The following GSE1 variants were observed in gnomAD, a reference collection of about 807,000 sequenced individuals.
The protein encoded by GSE1 is genetic suppressor element 1.
A neutral mutation model predicts 112.6 loss-of-function variants in GSE1; 32 were observed. The ratio of observed to expected loss-of-function variants is 0.28; its 90% CI spans 0.21 to 0.38. The LOEUF (loss-of-function observed/expected upper bound fraction) is 0.38, where lower values mean the gene tolerates loss of function less well. Ranked by LOEUF, GSE1 falls within the 10% of genes least tolerant of loss-of-function variation. The pLI, the probability that GSE1 is intolerant of heterozygous loss-of-function variation, is 1.00. For missense variants in GSE1, 2,348 were observed against 1,699.2 expected (o/e 1.38, Z -6.71); for synonymous variants, 1,115 against 735.6 (o/e 1.52, Z -8.35).
At chr16:85,302,546 G>A (rs1048278866) in intron 1 of GSE1, among the ~76,000 whole-genome samples, 15 of 152,134 alleles carry the variant, frequency 9.9e-5, no homozygotes, top group Admixed American at 9.2e-4. Context: ...AGGCGTGAGA[G>A]GTTGTGCTTT....
At chr16:85,261,056 G>C (rs1052443209) in intron 1 of GSE1, among the ~76,000 whole-genome samples, 1 of 152,184 alleles carries the variant, frequency 6.6e-6, no homozygotes, top group East Asian at 1.9e-4. Flanking sequence ...GGCCTCTCTC[G>C]GGTGCTCTGG....
chr16:85,635,403 C>T (rs1238985884), intron 2 of GSE1, among the ~76,000 whole-genome samples: 3 of 152,164 alleles, frequency 2.0e-5, no homozygotes, highest in Non-Finnish European at 4.4e-5. Flanking sequence ...CACACCTGAG[C>T]GGGCCAGGTT....
Position 85,619,732 on chromosome 16 carries a change from T to TG in GSE1, c.7+6340dup, listed in dbSNP as rs570557686. 3.9e-5 allele frequency among the ~76,000 whole-genome samples: 6 copies of TG among 152,236 alleles called. No homozygotes were observed. The South Asian group carries it at 1.2e-3, about 32-fold the overall frequency. ...GCCGTGGGCTGTGCGTCAGGCGTGG[T>TG]GGGGGGACGTTTTCACCCCAACGTG... On this transcript the variant is annotated intron_variant, in intron 1 of 15. Coordinates refer to ENST00000253458, the MANE Select transcript of GSE1 (RefSeq NM_014615.5).
chr16:85,491,322 C>T (rs1183901811), intron 2 of GSE1, among the ~76,000 whole-genome samples: 1 of 152,192 alleles, frequency 6.6e-6, no homozygotes, highest in Non-Finnish European at 1.5e-5. Flanking sequence ...CCTGGGGTGC[C>T]CTGGAGCCAC....
At chr16:85,307,513 G>T (rs1294116564) in intron 1 of GSE1, among the ~76,000 whole-genome samples, 2 of 152,206 alleles carry the variant, frequency 1.3e-5, no homozygotes, top group Non-Finnish European at 2.9e-5. Flanking sequence ...GACCCATGGG[G>T]TGAGCCCAGG....
chr16:85,552,595 G>A (rs1336772999), upstream of GSE1, among the ~76,000 whole-genome samples: 3 of 152,088 alleles, frequency 2.0e-5, no homozygotes, highest in African/African-American at 7.2e-5. Context: ...GCCTCCCAAA[G>A]TGCTGGGATT....
At position 85,575,918 on chromosome 16, in the gene GSE1, T is replaced by TC. The variant is rs1458156622; in HGVS notation, c.37+19559dup. Among the ~76,000 whole-genome samples, 11 of 147,920 alleles carry TC rather than the reference T, an allele frequency of 7.4e-5. No homozygotes were observed. The South Asian group carries it at 1.0e-3, about 14-fold the overall frequency. On this transcript the variant is annotated intron_variant, in intron 1 of 2. Transcript: ENST00000635906. ...CTCGTTTCTGTTTTTTTTTTTTTTT[T>TC]CCCCTTCCTGTTTTTTAATGTGTCT...
chr16:85,219,306 G>A (rs2075354208), intron 1 of GSE1, among the ~76,000 whole-genome samples: 1 of 152,242 alleles, frequency 6.6e-6, no homozygotes, highest in Non-Finnish European at 1.5e-5. Flanking sequence ...GAGCCACCGT[G>A]CCCGGCCAAA....
intron 1 of GSE1, among the ~76,000 whole-genome samples, chr16:85,246,282 G>T (rs1310340177): frequency 1.3e-5 from 1 of 78,894 alleles, no homozygotes; most frequent in Non-Finnish European, 2.5e-5. Flanking sequence ...CACCCCACAC[G>T]CTGTCTACAC....
At chr16:85,494,310 C>T (rs1460980770) in intron 2 of GSE1, among the ~76,000 whole-genome samples, 3 of 152,226 alleles carry the variant, frequency 2.0e-5, no homozygotes, top group Non-Finnish European at 4.4e-5. Context: ...GTGGCCGCTT[C>T]ACTACAGTCT....
chr16:85,484,110 G>A lies in GSE1; in HGVS notation c.2464+126467G>A, dbSNP rs150142565. On this transcript the variant is annotated intron_variant, in intron 2 of 2. Coordinates refer to the GSE1 transcript ENST00000637419. ...CACTTGGTGACTTTATGTGGCTCCC[G>A]GACCAGTTATGCCGTGCAGGAATAT... Among the ~76,000 whole-genome samples, 313 of 152,338 alleles carry A rather than the reference G, an allele frequency of 2.1e-3. 2 individuals carry two copies. Among genetic ancestry groups the A allele is most frequent in the African/African-American group, 7.2e-3 (299 of 41,576 alleles).
intron 1 of GSE1, among the ~76,000 whole-genome samples, chr16:85,298,138 G>A (rs1426060545): frequency 5.3e-5 from 8 of 152,202 alleles, no homozygotes; most frequent in South Asian, 2.1e-4. Context: ...TTAGAAAAGC[G>A]GATTCGAATT....
chr16:85,471,375 C>G (rs2050291356), intron 2 of GSE1, among the ~76,000 whole-genome samples: 1 of 152,210 alleles, frequency 6.6e-6, no homozygotes, highest in Admixed American at 6.5e-5. Flanking sequence ...TACCATAGGT[C>G]AGGCTCATAG....
At chr16:85,442,575 A>G (rs1022029601) in intron 2 of GSE1, among the ~76,000 whole-genome samples, 4 of 152,154 alleles carry the variant, frequency 2.6e-5, no homozygotes, top group African/African-American at 9.7e-5. Context: ...GGATCTGGCC[A>G]AGTGGTCATT....
intron 1 of GSE1, among the ~76,000 whole-genome samples, chr16:85,234,507 G>A (rs1216207148): frequency 6.6e-6 from 1 of 152,218 alleles, no homozygotes; most frequent in Non-Finnish European, 1.5e-5. Flanking sequence ...TAGGTGGGGC[G>A]GGGTGGCTCT....
chr16:85,586,648 C>G (rs1033002355), intron 1 of GSE1, among the ~76,000 whole-genome samples: 3 of 152,228 alleles, frequency 2.0e-5, no homozygotes, highest in Admixed American at 6.5e-5. Context: ...CGCGCCCCCC[C>G]GACTGCCGTG....
chr16:85,557,440 G>T (rs909481350), intron 1 of GSE1, among the ~76,000 whole-genome samples: 4 of 152,208 alleles, frequency 2.6e-5, no homozygotes, highest in African/African-American at 7.2e-5. Flanking sequence ...GTGTAGGGAG[G>T]AGAGGGGAAG....
chr16:85,408,594 A>T (rs189405585), intron 2 of GSE1, among the ~76,000 whole-genome samples: 6,758 of 7,942 alleles, frequency 0.85, 3,213 homozygotes, highest in Non-Finnish European at 0.97. Context: ...CCCCCCTGGA[A>T]AATCCTCACT....
At position 85,373,207 on chromosome 16, in the gene GSE1, A is replaced by T. The variant is rs1456031009; in HGVS notation, c.2464+15564A>T. ...CCAGGGTGGGTGCCAGGCGCCTGGT[A>T]GCAGGCCCAGCTGCCTCGAGGTGCT... On this transcript the variant is annotated intron_variant, in intron 2 of 2. Transcript: ENST00000637419. This position sits in a 1 kb window ranked among gnomAD's most constrained non-coding sequence, Gnocchi z 5.1. Among the ~76,000 whole-genome samples the T allele has an allele frequency of 2.0e-5, 3 of 152,196 alleles. No individual in the cohort carries two copies. The highest frequency in any genetic ancestry group is 4.4e-5 in the Non-Finnish European group (3 of 68,022).
Sources: gnomAD v4.1 joint callset for allele counts (sites outside exome capture counted in the v4.1 genomes callset) on GRCh38, gnomAD v4.1.1 for gene constraint, Gnocchi (gnomAD v3.1) non-coding constraint, MANE v1.5 for transcripts, NCBI Gene and HGNC (gene_info 2026-07-23, HGNC 2026-07-21) for gene names.